The following CHD9 variants were observed in gnomAD, a reference collection of about 807,000 sequenced individuals.
CHD9 encodes ATP-dependent chromatin remodeler CHD9.
A neutral mutation model predicts 316.1 loss-of-function variants in CHD9; 77 were observed. That is an observed-to-expected ratio of 0.24 (90% CI 0.20 to 0.29). The LOEUF (loss-of-function observed/expected upper bound fraction) is 0.29, where lower values mean the gene tolerates loss of function less well. Among genes scored for constraint, CHD9 ranks in the 10% least tolerant of loss-of-function variants. The pLI, the probability that CHD9 is intolerant of heterozygous loss-of-function variation, is 1.00. For synonymous variants in CHD9, 1,129 were observed against 1,158.3 expected (o/e 0.97, Z 0.51); for missense variants, 2,763 against 3,438.1 (o/e 0.80, Z 4.91).
Position 53,112,703 on chromosome 16 carries a change from T to C in CHD9, c.-164-43223T>C, listed in dbSNP as rs527457085. On this transcript the variant is annotated intron_variant, in intron 1 of 38. Coordinates refer to ENST00000447540, the MANE Select transcript of CHD9 (RefSeq NM_001308319.2). The stretch of plus-strand genomic sequence containing the variant: ...ATGTAGTATTTTTGGAGAATGCTTA[T>C]GAATATTATCTATAAGAAACAGCAA... Among the ~76,000 whole-genome samples, 7 of 152,302 alleles carry C rather than the reference T, an allele frequency of 4.6e-5. No individual in the cohort carries two copies. In the South Asian group the frequency reaches 1.2e-3, roughly 27 times the overall value.
At chr16:53,258,742 A>G (rs756342408) in intron 19 of CHD9, among the ~76,000 whole-genome samples, 4 of 152,152 alleles carry the variant, frequency 2.6e-5, no homozygotes, top group Non-Finnish European at 4.4e-5. Context: ...AGAACTCATT[A>G]TTGGTAACTT....
At chr16:53,097,885 C>T (rs556171170) in intron 1 of CHD9, among the ~76,000 whole-genome samples, 68 of 152,202 alleles carry the variant, frequency 4.5e-4, no homozygotes, top group African/African-American at 1.6e-3. Flanking sequence ...TTTGGGAGGC[C>T]GAGATGGGTG....
intron 19 of CHD9, among the ~76,000 whole-genome samples, chr16:53,260,537 G>C (rs1239329470): frequency 6.6e-6 from 1 of 152,070 alleles, no homozygotes; most frequent in Non-Finnish European, 1.5e-5. Flanking sequence ...AAGAGTGTCT[G>C]ATGCTATTTC....
At chr16:53,229,141 G>A (rs1370093007) in intron 8 of CHD9, 41 bp downstream of exon 8, 1 of 976,722 alleles carries the variant, frequency 1.0e-6, no homozygotes, top group Admixed American at 2.3e-5. Context: ...GTTGGTCTCT[G>A]AATACATGTA....
chr16:53,057,816 G>A (rs925684462), intron 1 of CHD9, among the ~76,000 whole-genome samples: 3 of 152,210 alleles, frequency 2.0e-5, no homozygotes, highest in Non-Finnish European at 2.9e-5. Flanking sequence ...AGGACACGCT[G>A]CTTTCTGGTT....
At chr16:53,214,462 A>G (rs1174324060) in intron 3 of CHD9, among the ~76,000 whole-genome samples, 2 of 152,200 alleles carry the variant, frequency 1.3e-5, no homozygotes, top group Admixed American at 6.5e-5. Context: ...GCAGTTGTCA[A>G]AATGCATGGT....
At chr16:53,251,745 GA>G (rs2050145406) in intron 17 of CHD9, among the ~76,000 whole-genome samples, 1 of 152,144 alleles carries the variant, frequency 6.6e-6, no homozygotes, top group Non-Finnish European at 1.5e-5. Flanking sequence ...GATAAAATAT[GA>G]AGCCCTTATG....
chr16:53,238,107 T>C (rs541261623), intron 11 of CHD9, among the ~76,000 whole-genome samples: 1 of 152,270 alleles, frequency 6.6e-6, no homozygotes, highest in African/African-American at 2.4e-5. Flanking sequence ...CCTTTTCTTT[T>C]TTAAAAAATC....
intron 1 of CHD9, among the ~76,000 whole-genome samples, chr16:53,130,585 TCCGGCCAGAGGGCGC>T (rs923378950): frequency 4.7e-4 from 71 of 150,374 alleles, no homozygotes; most frequent in Middle Eastern, 7.0e-3. Flanking sequence ...TGCCCCGCGC[TCCGGCCAGAGGGCGC>T]CCGGCCCCAA....
At chr16:53,275,888 A>G (rs2052760059) in intron 24 of CHD9, among the ~76,000 whole-genome samples, 1 of 152,118 alleles carries the variant, frequency 6.6e-6, no homozygotes, top group Non-Finnish European at 1.5e-5. Flanking sequence ...TGGCCTTTAT[A>G]TAGTTACCTC....
Position 53,273,679 on chromosome 16 carries a change from A to G in CHD9, c.4771A>G (p.Thr1591Ala). Residue 1591 changes from threonine to alanine, a missense_variant, in exon 23 of 39, where the codon ACA becomes GCA. Physicochemically the swap from Thr to Ala is moderately conservative, Grantham distance 58. Around this residue, in one of 15 missense-constraint regions of CHD9, gnomAD observed 99 missense variants for 131.6 expected, o/e 0.75. Transcript: ENST00000447540. Reference sequence around the variant, plus strand: ...AAAAGGGAAGAAAGTAAAAACTCAAACAAGCTCATTTGATATACAAAAAGC... The same window carrying G: ...AAAAGGGAAGAAAGTAAAAACTCAAGCAAGCTCATTTGATATACAAAAAGC... ...GRKGKKVKTQ[T>A]SSFDIQKAEW... 1.2e-6 allele frequency: 2 copies of G among 1,613,286 alleles called. No individual in the cohort carries two copies. Among genetic ancestry groups the G allele is most frequent in the African/African-American group, 2.7e-5 (2 of 75,024 alleles).
At chr16:53,154,132 A>G (rs1378884701) in intron 1 of CHD9, among the ~76,000 whole-genome samples, 1 of 152,208 alleles carries the variant, frequency 6.6e-6, no homozygotes. Flanking sequence ...TTTAATATTA[A>G]CACCCTTTCA....
chr16:53,277,223 T>C (rs988660600), intron 24 of CHD9, among the ~76,000 whole-genome samples: 2 of 152,056 alleles, frequency 1.3e-5, no homozygotes, highest in Admixed American at 6.6e-5. Context: ...TTCCACAAGA[T>C]AGAGAAAGAG....
At chr16:53,194,733 G>T (rs1319757750) in intron 2 of CHD9, among the ~76,000 whole-genome samples, 1 of 152,078 alleles carries the variant, frequency 6.6e-6, no homozygotes, top group Non-Finnish European at 1.5e-5. Context: ...TTGAAAAATT[G>T]TCTTTCTTCC....
At chr16:53,269,056 C>T (rs894216801) in intron 22 of CHD9, among the ~76,000 whole-genome samples, 4 of 152,052 alleles carry the variant, frequency 2.6e-5, no homozygotes, top group Non-Finnish European at 4.4e-5. Context: ...ATCCTTCCCC[C>T]TCAGCCACCC....
intron 24 of CHD9, among the ~76,000 whole-genome samples, chr16:53,278,229 A>G (rs139541883): frequency 1.3e-3 from 193 of 152,244 alleles, no homozygotes; most frequent in Non-Finnish European, 1.3e-3. Flanking sequence ...AAATACCACC[A>G]TCATTCTTCA....
At chr16:53,119,477 A>G (rs1023230098) in intron 1 of CHD9, among the ~76,000 whole-genome samples, 1 of 152,190 alleles carries the variant, frequency 6.6e-6, no homozygotes, top group Non-Finnish European at 1.5e-5. Flanking sequence ...AGGAGTATGA[A>G]AGCTAGCTCA....
chr16:53,283,910 CAAAT>C (rs989170827), intron 24 of CHD9, among the ~76,000 whole-genome samples: 1 of 152,124 alleles, frequency 6.6e-6, no homozygotes, highest in Non-Finnish European at 1.5e-5. Flanking sequence ...AAATTTGTGA[CAAAT>C]AAATTTGTTT....
At chr16:53,261,129 A>G (rs546761497) in intron 19 of CHD9, among the ~76,000 whole-genome samples, 1 of 151,308 alleles carries the variant, frequency 6.6e-6, no homozygotes, top group East Asian at 1.9e-4. Context: ...AATTCATTTC[A>G]TTAAAACATT....
Sources: allele counts gnomAD v4.1 joint callset (sites outside exome capture counted in the v4.1 genomes callset), GRCh38; gene constraint gnomAD v4.1.1; regional missense constraint gnomAD v4.1.1; transcripts MANE v1.5; gene names NCBI Gene and HGNC (gene_info 2026-07-23, HGNC 2026-07-21).